Variants in RGL1 observed in about 807,000 individuals in gnomAD.
RGL1 encodes the protein ral guanine nucleotide dissociation stimulator-like 1.
Under a neutral mutation model 95.2 loss-of-function variants are expected in RGL1, and 24 were observed. That is an observed-to-expected ratio of 0.25 (90% CI 0.18 to 0.35). The LOEUF is 0.35. Ranked by LOEUF, RGL1 falls within the 10% of genes least tolerant of loss-of-function variation. The pLI, the probability that RGL1 is intolerant of heterozygous loss-of-function variation, is 1.00. For synonymous variants in RGL1, 329 were observed against 344.9 expected, an observed-to-expected ratio of 0.95 and a Z score of 0.51; for missense variants, 715 against 936.3, an observed-to-expected ratio of 0.76 and a Z score of 3.08.
At chr1:183,701,982 T>G (rs1469466038) in intron 1 of RGL1, among the ~76,000 whole-genome samples, 1 of 152,178 alleles carries the variant, frequency 6.6e-6, no homozygotes, top group Non-Finnish European at 1.5e-5. Context: ...TTGCATAATG[T>G]CTTTATTTTG....
intron 3 of RGL1, among the ~76,000 whole-genome samples, chr1:183,849,396 A>C (rs1202622607): frequency 2.0e-5 from 3 of 151,900 alleles, no homozygotes; most frequent in Non-Finnish European, 4.4e-5. Context: ...CGTGTAGATG[A>C]ATCTATCATA....
In RGL1 at chr1:183,829,553, A is replaced by G. The variant is rs1187316818; in HGVS notation, c.139-18013A>G. On this transcript the variant is annotated intron_variant, in intron 2 of 17. Coordinates refer to ENST00000360851, the MANE Select transcript of RGL1 (RefSeq NM_001297671.3). ...ATCTTTTCTTTTTTTCATACAGTTC[A>G]TTCTTCATGTAAACTCATTCATCAT... Among the ~76,000 whole-genome samples, 3 of 151,814 alleles carry G rather than the reference A, an allele frequency of 2.0e-5. No individual in the cohort carries two copies. The East Asian group carries it at 5.8e-4, about 29-fold the overall frequency.
chr1:183,703,692 A>T (rs1654734914), intron 1 of RGL1, among the ~76,000 whole-genome samples: 1 of 152,228 alleles, frequency 6.6e-6, no homozygotes, highest in Non-Finnish European at 1.5e-5. Flanking sequence ...AAGTACAGAC[A>T]AAGACTAGAA....
intron 16 of RGL1, among the ~76,000 whole-genome samples, chr1:183,918,257 A>G (rs971081660): frequency 6.6e-6 from 1 of 152,192 alleles, no homozygotes; most frequent in Non-Finnish European, 1.5e-5. Context: ...GGGAGTTGTC[A>G]AACCCCACAG....
At chr1:183,856,578 C>G (rs553827413) in intron 3 of RGL1, among the ~76,000 whole-genome samples, 1 of 151,010 alleles carries the variant, frequency 6.6e-6, no homozygotes, top group East Asian at 1.9e-4. Context: ...GGAAGCATGG[C>G]TGGAGCCAGA....
At chr1:183,919,732 C>T (rs959972674) in intron 16 of RGL1, among the ~76,000 whole-genome samples, 15 of 152,214 alleles carry the variant, frequency 9.9e-5, no homozygotes, top group African/African-American at 3.6e-4. Context: ...TTGTGTCAAT[C>T]ACAGAGTCAG....
At chr1:183,850,222 T>A (rs894017887) in intron 3 of RGL1, among the ~76,000 whole-genome samples, 1 of 152,218 alleles carries the variant, frequency 6.6e-6, no homozygotes, top group African/African-American at 2.4e-5. Flanking sequence ...TTTGGACTCT[T>A]TTCATCTAAT....
At chr1:183,905,481 A>G (rs1668266036) in intron 13 of RGL1, among the ~76,000 whole-genome samples, 1 of 152,234 alleles carries the variant, frequency 6.6e-6, no homozygotes, top group Non-Finnish European at 1.5e-5. Flanking sequence ...GAAAATATAA[A>G]GGCATTAATA....
Position 183,883,930 on chromosome 1 carries a change from T to A in RGL1, c.735+20T>A. 3 of 1,612,886 alleles carry A rather than the reference T, an allele frequency of 1.9e-6. No homozygotes were observed. Among genetic ancestry groups the A allele is most frequent in the Non-Finnish European group, 2.5e-6 (3 of 1,179,160 alleles). ...GATGCAGTATGTCTTCTCTTTGTGATCAGATGTACTTTCACTTAAAACATA... is the reference window on the plus strand; with the variant it reads ...GATGCAGTATGTCTTCTCTTTGTGAACAGATGTACTTTCACTTAAAACATA... On this transcript the variant is annotated intron_variant, in intron 6 of 17. Transcript: ENST00000360851.
At chr1:183,715,604 A>C (rs568394072) in intron 1 of RGL1, among the ~76,000 whole-genome samples, 16 of 152,292 alleles carry the variant, frequency 1.1e-4, no homozygotes, top group African/African-American at 3.6e-4. Flanking sequence ...GTAACTAAGA[A>C]TTGCTATTAT....
At chr1:183,851,248 T>C (rs918240417) in intron 3 of RGL1, among the ~76,000 whole-genome samples, 1 of 152,180 alleles carries the variant, frequency 6.6e-6, no homozygotes, top group Non-Finnish European at 1.5e-5. Flanking sequence ...ATCCTTTGCT[T>C]GCTTCTGAAA....
intron 2 of RGL1, 33 bp from the exon 3 acceptor site, chr1:183,847,533 T>C (rs1664523856): frequency 6.3e-7 from 1 of 1,575,118 alleles, no homozygotes; most frequent in Non-Finnish European, 8.7e-7. Context: ...GGGAGTCATT[T>C]CTCCTTATGG....
intron 1 of RGL1, among the ~76,000 whole-genome samples, chr1:183,642,997 C>T (rs999250418): frequency 5.3e-5 from 8 of 152,164 alleles, no homozygotes; most frequent in Admixed American, 1.3e-4. Flanking sequence ...CTACTTACCA[C>T]ATGTAAGTGG....
chr1:183,727,874 G>T (rs962993279), intron 1 of RGL1, among the ~76,000 whole-genome samples: 1 of 152,194 alleles, frequency 6.6e-6, no homozygotes, highest in African/African-American at 2.4e-5. Flanking sequence ...TGAGTATGAT[G>T]ATTAATTTTG....
chr1:183,919,242 C>G (rs1669174955), intron 16 of RGL1, among the ~76,000 whole-genome samples: 1 of 151,828 alleles, frequency 6.6e-6, no homozygotes, highest in South Asian at 2.1e-4. Context: ...CATTGTTTTC[C>G]ATTTCTGAAA....
At chr1:183,921,607 C>A (rs1328643082) in intron 16 of RGL1, among the ~76,000 whole-genome samples, 1 of 152,146 alleles carries the variant, frequency 6.6e-6, no homozygotes, top group Non-Finnish European at 1.5e-5. Context: ...GAATATACTA[C>A]GATTTATTCT....
At chr1:183,745,588 C>T (rs562309810) in intron 2 of RGL1, among the ~76,000 whole-genome samples, 1 of 152,022 alleles carries the variant, frequency 6.6e-6, no homozygotes, top group African/African-American at 2.4e-5. Context: ...GTTTATAATG[C>T]TATTTTTCAT....
At chr1:183,841,184 A>G (rs183844329) in intron 2 of RGL1, among the ~76,000 whole-genome samples, 1 of 152,346 alleles carries the variant, frequency 6.6e-6, no homozygotes, top group East Asian at 1.9e-4. Context: ...AAGTAGATGA[A>G]TAAATGGAAA....
intron 2 of RGL1, among the ~76,000 whole-genome samples, chr1:183,823,894 C>T (rs1662668402): frequency 6.6e-6 from 1 of 152,126 alleles, no homozygotes; most frequent in African/African-American, 2.4e-5. Flanking sequence ...TCAAGAGATC[C>T]TCCTGTCTCA....
Sources: allele counts gnomAD v4.1 joint callset (sites outside exome capture counted in the v4.1 genomes callset), GRCh38; gene constraint gnomAD v4.1.1; transcripts MANE v1.5; gene names NCBI Gene and HGNC (gene_info 2026-07-23, HGNC 2026-07-21).